SESTD1: variants seen among roughly 807,000 people sequenced by gnomAD.
SESTD1 encodes the protein SEC14 and spectrin domain containing 1, also known as SEC14 domain and spectrin repeat-containing protein 1.
Under a neutral mutation model 101.7 loss-of-function variants are expected in SESTD1, and 43 were observed. The observed-to-expected ratio is 0.42, with a 90% CI of 0.33 to 0.55. The LOEUF is 0.55. Ranked by LOEUF, SESTD1 falls within the 20% of genes least tolerant of loss-of-function variation. The pLI is 0.07. For synonymous variants in SESTD1, 283 were observed against 286.8 expected, an observed-to-expected ratio of 0.99 and a Z score of 0.13; for missense variants, 647 against 815.1, an observed-to-expected ratio of 0.79 and a Z score of 2.51.
At chr2:179,252,161 T>C (rs1421276465) in intron 1 of SESTD1, among the ~76,000 whole-genome samples, 1 of 152,262 alleles carries the variant, frequency 6.6e-6, no homozygotes, top group Non-Finnish European at 1.5e-5. Flanking sequence ...GAAACTGTTA[T>C]GTTCAGAACA....
At chr2:179,183,367 T>C (rs2046152296) in intron 2 of SESTD1, among the ~76,000 whole-genome samples, 179 bp from the exon 3 acceptor site, 1 of 151,960 alleles carries the variant, frequency 6.6e-6, no homozygotes, top group African/African-American at 2.4e-5. Flanking sequence ...TTACAGAAAA[T>C]TTAGAAAAAA....
intron 1 of SESTD1, among the ~76,000 whole-genome samples, chr2:179,243,131 G>C (rs987520156): frequency 6.6e-6 from 1 of 151,802 alleles, no homozygotes; most frequent in Non-Finnish European, 1.5e-5. Context: ...TTAAAAAGTG[G>C]GCAATAGACA....
chr2:179,235,984 T>C (rs2047060250), intron 1 of SESTD1, among the ~76,000 whole-genome samples: 1 of 152,144 alleles, frequency 6.6e-6, no homozygotes, highest in African/African-American at 2.4e-5. Context: ...TCACCTTCTC[T>C]GTGAAACCTT....
At chr2:179,188,797 G>T (rs950952493) in intron 2 of SESTD1, among the ~76,000 whole-genome samples, 1 of 152,010 alleles carries the variant, frequency 6.6e-6, no homozygotes, top group Non-Finnish European at 1.5e-5. Context: ...AAATACAAAA[G>T]ACTTCTGTGC....
intron 5 of SESTD1, among the ~76,000 whole-genome samples, chr2:179,162,046 T>C (rs1186305303): frequency 6.6e-6 from 1 of 152,212 alleles, no homozygotes; most frequent in African/African-American, 2.4e-5. Flanking sequence ...ATTATCATCC[T>C]TATTCTCCTT....
chr2:179,221,146 C>A (rs1196162844), intron 1 of SESTD1, among the ~76,000 whole-genome samples: 1 of 151,868 alleles, frequency 6.6e-6, no homozygotes, highest in African/African-American at 2.4e-5. Flanking sequence ...GTACCAAACA[C>A]TACATTGGGG....
At chr2:179,217,552 T>A (rs1372848354) in intron 1 of SESTD1, among the ~76,000 whole-genome samples, 1 of 152,216 alleles carries the variant, frequency 6.6e-6, no homozygotes, top group Admixed American at 6.5e-5. Context: ...GTTTAACTAT[T>A]GTGGAAGACA....
At chr2:179,236,522 T>G (rs968496862) in intron 1 of SESTD1, among the ~76,000 whole-genome samples, 1 of 151,960 alleles carries the variant, frequency 6.6e-6, no homozygotes, top group Non-Finnish European at 1.5e-5. Flanking sequence ...TTAAATTATA[T>G]GTACATATAC....
chr2:179,263,353 T>C (rs1453074443), intron 1 of SESTD1, among the ~76,000 whole-genome samples: 2 of 152,156 alleles, frequency 1.3e-5, no homozygotes, highest in Non-Finnish European at 2.9e-5. Context: ...CAAAGATAAA[T>C]TGTACCTTAT....
Position 179,115,144 on chromosome 2 carries a change from C to A in SESTD1, c.1760G>T (p.Trp587Leu). The change falls in exon 16 of 18, where the codon TGG (tryptophan) becomes TTG (leucine). Residue 587 changes from tryptophan (W) to leucine (L), a missense_variant. Trp to Leu is a moderately conservative substitution (Grantham distance 61, BLOSUM62 -2). Around this residue, in one of 3 missense-constraint regions of SESTD1, gnomAD observed 476 missense variants for 562.6 expected, o/e 0.85. Coordinates refer to ENST00000428443, the MANE Select transcript of SESTD1 (RefSeq NM_178123.5). ...GDTLPRLNRV[W>L]KQFTIASEER... is the part of the protein sequence containing the mutation. ...TTCAGATGCTATTGTAAATTGTTTC[C>A]ATACTCTGTTCAGTCGAGGAAGTGT... 6.2e-7 allele frequency: 1 copy of A among 1,613,712 alleles called. No individual in the cohort carries two copies. Among genetic ancestry groups the A allele is most frequent in the Non-Finnish European group, 8.5e-7 (1 of 1,179,922 alleles).
intron 8 of SESTD1, among the ~76,000 whole-genome samples, chr2:179,144,260 G>C (rs2045348007): frequency 6.6e-6 from 1 of 151,302 alleles, no homozygotes; most frequent in African/African-American, 2.4e-5. Flanking sequence ...ATATGTTGTA[G>C]GATTTCAGTA....
chr2:179,139,161 G>A (rs2045222266), intron 9 of SESTD1, among the ~76,000 whole-genome samples: 1 of 151,942 alleles, frequency 6.6e-6, no homozygotes, highest in Non-Finnish European at 1.5e-5. Context: ...TGTTATTTAG[G>A]TTGACAGTGA....
In SESTD1 at chr2:179,149,502, T is replaced by C. The variant is rs184017428; in HGVS notation, c.484-108A>G. On this transcript the variant is annotated intron_variant, in intron 6 of 17. Transcript: ENST00000428443. ...ATTGGCCAGCTAGGATATGTTTTCCTTCCCCAGCAGTTCGTGCAATTCTAC... is the reference window on the plus strand; with the variant it reads ...ATTGGCCAGCTAGGATATGTTTTCCCTCCCCAGCAGTTCGTGCAATTCTAC... 3.3e-4 allele frequency: 229 copies of C among 691,068 alleles called. 1 individual carries two copies. In the African/African-American group the frequency reaches 3.6e-3, roughly 11 times the overall value. The allele number at this position is 691,068 out of a possible 1,614,324, so 42.8% of individuals were successfully genotyped here.
intron 1 of SESTD1, among the ~76,000 whole-genome samples, chr2:179,231,494 A>C (rs1168090091): frequency 6.6e-6 from 1 of 151,090 alleles, no homozygotes; most frequent in Non-Finnish European, 1.5e-5. Flanking sequence ...CTACAACAAC[A>C]AACAGCAAAG....
chr2:179,254,948 T>G (rs544582230), intron 1 of SESTD1, among the ~76,000 whole-genome samples: 1 of 152,360 alleles, frequency 6.6e-6, no homozygotes, highest in Admixed American at 6.5e-5. Context: ...TCAAGCTTTT[T>G]CATTATTATT....
chr2:179,176,157 T>G (rs1434111495), intron 4 of SESTD1, among the ~76,000 whole-genome samples: 3 of 152,168 alleles, frequency 2.0e-5, no homozygotes, highest in African/African-American at 7.2e-5. Flanking sequence ...GTCTCATCAT[T>G]TCAATGCTCA....
intron 7 of SESTD1, among the ~76,000 whole-genome samples, chr2:179,148,665 A>G (rs761331781): frequency 2.0e-5 from 3 of 152,246 alleles, no homozygotes; most frequent in Non-Finnish European, 4.4e-5. Flanking sequence ...ATTCTTAACC[A>G]GGAAAGAAGA....
At chr2:179,137,296 T>C (rs1053373000) in intron 9 of SESTD1, among the ~76,000 whole-genome samples, 2 of 152,162 alleles carry the variant, frequency 1.3e-5, no homozygotes. Flanking sequence ...TAGGCTCATT[T>C]TTAAAAACTG....
At chr2:179,173,697 T>C (rs892106226) in intron 4 of SESTD1, among the ~76,000 whole-genome samples, 2 of 152,186 alleles carry the variant, frequency 1.3e-5, no homozygotes, top group Admixed American at 6.5e-5. Context: ...GTTCAATACA[T>C]TCTTTCCGAA....
Sources: allele counts gnomAD v4.1 joint callset (sites outside exome capture counted in the v4.1 genomes callset), GRCh38; gene constraint gnomAD v4.1.1; regional missense constraint gnomAD v4.1.1; transcripts MANE v1.5; gene names NCBI Gene and HGNC (gene_info 2026-07-23, HGNC 2026-07-21).